SH3RF3: variants seen among roughly 807,000 people sequenced by gnomAD.
SH3RF3 encodes the protein E3 ubiquitin-protein ligase SH3RF3.
A neutral mutation model predicts 66.3 loss-of-function variants in SH3RF3; 29 were observed. That is an observed-to-expected ratio of 0.44 (90% CI 0.33 to 0.60). The LOEUF is 0.60. SH3RF3 is among the 20% of genes least tolerant of loss of function. SH3RF3 has a pLI of 0.04. For missense variants in SH3RF3, 1,194 were observed against 1,190.9 expected (o/e 1.00, Z -0.04); for synonymous variants, 583 against 532.0 (o/e 1.10, Z -1.32).
intron 1 of SH3RF3, among the ~76,000 whole-genome samples, chr2:109,283,181 G>T (rs1469773753): frequency 2.6e-5 from 4 of 152,190 alleles, no homozygotes; most frequent in Non-Finnish European, 5.9e-5. Flanking sequence ...TCCCAGAGGT[G>T]CCTGGAGCAT....
chr2:109,388,283 A>T (rs562222142), intron 3 of SH3RF3, among the ~76,000 whole-genome samples: 1 of 152,180 alleles, frequency 6.6e-6, no homozygotes, highest in South Asian at 2.1e-4. Context: ...TCAATTTTTC[A>T]CTGATGAGTT....
chr2:109,477,038 C>A (rs1678701862), intron 8 of SH3RF3, among the ~76,000 whole-genome samples: 1 of 152,192 alleles, frequency 6.6e-6, no homozygotes, highest in East Asian at 1.9e-4. Context: ...CTTGTGCTGA[C>A]CTTCTGTGAC....
chr2:109,451,430 C>G (rs1677863936), intron 8 of SH3RF3, among the ~76,000 whole-genome samples: 1 of 152,166 alleles, frequency 6.6e-6, no homozygotes, highest in African/African-American at 2.4e-5. Flanking sequence ...TGTAATAGTT[C>G]CTTAAGCATT....
chr2:109,393,441 C>T (rs1486813359), intron 3 of SH3RF3, among the ~76,000 whole-genome samples: 1 of 152,206 alleles, frequency 6.6e-6, no homozygotes, highest in African/African-American at 2.4e-5. Flanking sequence ...CGGAGTTGGC[C>T]TCTGTGAAGG....
intron 1 of SH3RF3, among the ~76,000 whole-genome samples, chr2:109,224,861 A>C (rs1352706621): frequency 1.3e-5 from 2 of 152,184 alleles, no homozygotes; most frequent in Non-Finnish European, 2.9e-5. Flanking sequence ...TGTCTCAAAA[A>C]AATTTTTTTT....
intron 1 of SH3RF3, among the ~76,000 whole-genome samples, chr2:109,222,573 T>C (rs761288078): frequency 6.6e-6 from 1 of 152,178 alleles, no homozygotes; most frequent in Non-Finnish European, 1.5e-5. Context: ...GAGCAGGCCC[T>C]GGGCTTAGCC....
At chr2:109,431,063 G>A (rs1677198442) in intron 5 of SH3RF3, among the ~76,000 whole-genome samples, 2 of 152,342 alleles carry the variant, frequency 1.3e-5, no homozygotes, top group South Asian at 4.1e-4. Flanking sequence ...TGCTATTCCA[G>A]AATATTCCAC....
intron 1 of SH3RF3, among the ~76,000 whole-genome samples, chr2:109,140,865 C>A (rs1399357597): frequency 6.6e-6 from 1 of 152,142 alleles, no homozygotes; most frequent in Non-Finnish European, 1.5e-5. Flanking sequence ...CAGTCTGGCC[C>A]CAGGGGTATC....
chr2:109,169,161 A>G (rs1035898909), intron 1 of SH3RF3, among the ~76,000 whole-genome samples: 3 of 152,204 alleles, frequency 2.0e-5, no homozygotes, highest in Non-Finnish European at 2.9e-5. Flanking sequence ...CATATGTACT[A>G]TTTAATAATA....
At chr2:109,369,155 C>A (rs1683210423) in intron 2 of SH3RF3, among the ~76,000 whole-genome samples, 1 of 150,922 alleles carries the variant, frequency 6.6e-6, no homozygotes, top group African/African-American at 2.4e-5. Flanking sequence ...CCATCCTGGC[C>A]AACATGGTGA....
intron 1 of SH3RF3, among the ~76,000 whole-genome samples, chr2:109,310,220 A>G (rs1205116666): frequency 1.9e-5 from 1 of 54,024 alleles, no homozygotes; most frequent in East Asian, 7.2e-4. Flanking sequence ...TGGAAACTGA[A>G]CAACCTGCTC....
intron 7 of SH3RF3, among the ~76,000 whole-genome samples, chr2:109,440,371 C>G (rs908316629): frequency 6.6e-6 from 1 of 152,210 alleles, no homozygotes. Context: ...AAAGAAAGAC[C>G]CGCAGTGAAG....
intron 1 of SH3RF3, among the ~76,000 whole-genome samples, chr2:109,153,217 G>C (rs1048060650): frequency 1.3e-5 from 2 of 152,220 alleles, no homozygotes; most frequent in East Asian, 3.8e-4. Context: ...GGGTGAGGCT[G>C]AATGAGTACA....
chr2:109,207,668 T>C (rs1162193373), intron 1 of SH3RF3, among the ~76,000 whole-genome samples: 1 of 152,194 alleles, frequency 6.6e-6, no homozygotes, highest in Non-Finnish European at 1.5e-5. Flanking sequence ...GTGCCACCTA[T>C]AGAATTTGGA....
At chr2:109,350,662 C>T (rs769425584) in intron 2 of SH3RF3, among the ~76,000 whole-genome samples, 9 of 152,182 alleles carry the variant, frequency 5.9e-5, no homozygotes, top group African/African-American at 1.2e-4. Flanking sequence ...CCTGTTTTCC[C>T]CCACGGTGGG....
chr2:109,324,902 C>T (rs1158422884), intron 1 of SH3RF3, among the ~76,000 whole-genome samples: 1 of 152,188 alleles, frequency 6.6e-6, no homozygotes, highest in East Asian at 1.9e-4. Flanking sequence ...GTGGAGCTGT[C>T]GCTTCCCCAA....
intron 1 of SH3RF3, among the ~76,000 whole-genome samples, chr2:109,148,062 C>T (rs753050765): frequency 5.3e-5 from 8 of 152,148 alleles, no homozygotes; most frequent in Admixed American, 6.5e-5. Flanking sequence ...CTGTGGAATT[C>T]GAGTTCAGGG....
chr2:109,438,889 T>C (rs1037526792), intron 7 of SH3RF3, among the ~76,000 whole-genome samples: 4 of 152,128 alleles, frequency 2.6e-5, no homozygotes, highest in African/African-American at 9.7e-5. Flanking sequence ...CCCTTCTGGT[T>C]ATAAACATCT....
At chr2:109,373,792 A>T (rs1269778588) in intron 3 of SH3RF3, among the ~76,000 whole-genome samples, 1 of 152,184 alleles carries the variant, frequency 6.6e-6, no homozygotes, top group Non-Finnish European at 1.5e-5. Context: ...GCTAAGAGCA[A>T]ATCTTAAAGG....
Sources: gnomAD v4.1 joint callset for allele counts (sites outside exome capture counted in the v4.1 genomes callset) on GRCh38, gnomAD v4.1.1 for gene constraint, MANE v1.5 for transcripts, NCBI Gene and HGNC (gene_info 2026-07-23, HGNC 2026-07-21) for gene names.